The following TSPAN19 variants were observed in gnomAD, a reference collection of about 807,000 sequenced individuals.
TSPAN19 encodes tetraspanin-19.
A neutral mutation model predicts 35.1 loss-of-function variants in TSPAN19; 44 were observed. The ratio of observed to expected loss-of-function variants is 1.25; its 90% CI spans 0.98 to 1.61. TSPAN19 has a LOEUF of 1.61. Ranked by LOEUF, TSPAN19 falls within the 40% of genes most tolerant of loss-of-function variation. The pLI, the probability that TSPAN19 is intolerant of heterozygous loss-of-function variation, is 0.00. For synonymous variants in TSPAN19, 79 were observed against 92.0 expected (o/e 0.86, Z 0.81); for missense variants, 290 against 280.0 (o/e 1.04, Z -0.26).
rs746720409 is a variant in TSPAN19, at chr12:85,028,036, C to G, written c.140-13G>C. The G allele has an allele frequency of 6.6e-7, 1 of 1,511,676 alleles. No homozygotes were observed. Among genetic ancestry groups the G allele is most frequent in the South Asian group, 1.3e-5 (1 of 79,458 alleles). 93.6% of individuals were successfully genotyped at this position (1,511,676 alleles called of 1,614,324 possible). ...TGATTATTTTCATCTGTGAAAAGTA[C>G]AAATTTACTTATTATGAAGTGGTAT... On this transcript the variant is annotated splice_polypyrimidine_tract_variant and intron_variant, in intron 3 of 8. Coordinates refer to ENST00000532498, the MANE Select transcript of TSPAN19 (RefSeq NM_001100917.2).
rs1438929921 is a variant in TSPAN19 at position 85,029,716 on chromosome 12, T to C, written c.139+3A>G. The C allele has an allele frequency of 2.6e-6, 4 of 1,536,374 alleles. No individual in the cohort carries two copies. Among genetic ancestry groups the C allele is most frequent in the East Asian group, 2.5e-5 (1 of 40,602 alleles). ...TGAGAGAAAAACAAAAATAGATACATACCAAAAGCTGTTAAAAAATTATTT... is the reference window on the plus strand; with the variant it reads ...TGAGAGAAAAACAAAAATAGATACACACCAAAAGCTGTTAAAAAATTATTT... On this transcript the variant is annotated splice_donor_region_variant and intron_variant, in intron 3 of 8. Transcript: ENST00000532498.
rs1877219585 is a variant in TSPAN19, at chr12:85,023,321, C to T, written c.339+5G>A. 1.3e-6 allele frequency: 2 copies of T among 1,570,764 alleles called. No homozygotes were observed. The highest frequency in any genetic ancestry group is 2.3e-5 in the South Asian group (2 of 85,374). On this transcript the variant is annotated splice_donor_5th_base_variant and intron_variant, in intron 5 of 8. Coordinates refer to ENST00000532498, the MANE Select transcript of TSPAN19 (RefSeq NM_001100917.2). Reference sequence around the variant, plus strand: ...GATGTATTGAAAAGGATTTACTTTCCATACCTCCTCTTTCTTTGTGATGAT... The same window carrying T: ...GATGTATTGAAAAGGATTTACTTTCTATACCTCCTCTTTCTTTGTGATGAT...
intron 5 of TSPAN19, among the ~76,000 whole-genome samples, 174 bp downstream of exon 5, chr12:85,023,152 A>G (rs1262943305): frequency 2.0e-5 from 3 of 152,074 alleles, no homozygotes; most frequent in Non-Finnish European, 4.4e-5. Context: ...ACCCTTTTCA[A>G]TGTGACTCCT....
At chr12:85,023,480 C>G (rs983441470) in intron 4 of TSPAN19, 80 bp from the exon 5 acceptor site, 3 of 1,144,662 alleles carry the variant, frequency 2.6e-6, no homozygotes, top group South Asian at 1.4e-5. Flanking sequence ...AAAACACACA[C>G]CATTGGAAAT....
chr12:85,033,066 T>C (rs1278327983), intron 1 of TSPAN19, among the ~76,000 whole-genome samples: 1 of 152,056 alleles, frequency 6.6e-6, no homozygotes, highest in East Asian at 1.9e-4. Flanking sequence ...GAGTCAAATA[T>C]TAAAACCTGA....
Position 85,014,450 on chromosome 12 carries a change from T to C in TSPAN19, c.*37A>G. ...ATAATATAATGTGATTTTTTAAGAA[T>C]TAACTGGTTTCTTCTGAACAAATTG... On this transcript the variant is annotated 3_prime_UTR_variant, in exon 9 of 9. Transcript: ENST00000532498. 6.9e-7 allele frequency: 1 copy of C among 1,439,024 alleles called. No individual in the cohort carries two copies. Among genetic ancestry groups the C allele is most frequent in the Non-Finnish European group, 9.6e-7 (1 of 1,040,556 alleles). 89.1% of individuals were successfully genotyped at this position (1,439,024 alleles called of 1,614,324 possible).
chr12:85,016,537 G>T (rs923474857), intron 7 of TSPAN19: 1 of 151,926 alleles, frequency 6.6e-6, no homozygotes, highest in Admixed American at 6.6e-5. Flanking sequence ...TACCTCAACA[G>T]TCGATCTTAC....
intron 5 of TSPAN19, among the ~76,000 whole-genome samples, chr12:85,021,277 C>T (rs1427684412): frequency 1.3e-5 from 2 of 152,042 alleles, no homozygotes; most frequent in Admixed American, 6.6e-5. Flanking sequence ...CTGAATTATG[C>T]TGTCTTTGAC....
chr12:85,034,747 T>C (rs1352674821), intron 1 of TSPAN19, among the ~76,000 whole-genome samples: 2 of 152,198 alleles, frequency 1.3e-5, no homozygotes, highest in Non-Finnish European at 2.9e-5. Flanking sequence ...TTTTGATTAG[T>C]TATATTCTAG....
chr12:85,015,040 AATG>A (rs1421734552), intron 8 of TSPAN19: 4 of 152,208 alleles, frequency 2.6e-5, no homozygotes, highest in Non-Finnish European at 5.9e-5. Flanking sequence ...ATTTAAAAAC[AATG>A]ATATTAATGT....
At chr12:85,019,352 A>G (rs1876990486) in intron 6 of TSPAN19, among the ~76,000 whole-genome samples, 1 of 151,958 alleles carries the variant, frequency 6.6e-6, no homozygotes, top group Non-Finnish European at 1.5e-5. Flanking sequence ...GCAGCAGGAT[A>G]GACTATCCCA....
At chr12:85,025,687 G>A (rs139193983) in intron 4 of TSPAN19, among the ~76,000 whole-genome samples, 199 of 151,818 alleles carry the variant, frequency 1.3e-3, no homozygotes, top group South Asian at 3.3e-3. Flanking sequence ...CATCATGCCC[G>A]GCTAATTTTT....
Position 85,014,328 on chromosome 12 carries a change from A to G in TSPAN19, c.*159T>C, listed in dbSNP as rs1218203275. 8 of 502,810 alleles carry G rather than the reference A, an allele frequency of 1.6e-5. No homozygotes were observed. In the East Asian group the frequency reaches 2.6e-4, roughly 16 times the overall value. The allele number at this position is 502,810 out of a possible 1,614,324, so 31.1% of individuals were successfully genotyped here. ...AAACAAAATTAATATAATTTCATGA[A>G]TGTTTTATTATAGTATTCAGTAATT... On this transcript the variant is annotated 3_prime_UTR_variant, in exon 9 of 9. Transcript: ENST00000532498.
rs1371622202 is a variant in TSPAN19 at position 85,029,867 on chromosome 12, A to T, written c.66+14T>A. 1 of 1,502,572 alleles carries T rather than the reference A, an allele frequency of 6.7e-7. No individual in the cohort carries two copies. The highest frequency in any genetic ancestry group is 9.0e-7 in the Non-Finnish European group (1 of 1,111,272). The allele number at this position is 1,502,572 out of a possible 1,614,324, so 93.1% of individuals were successfully genotyped here. A position where few individuals can be genotyped will look rare whatever the true frequency, so the allele number is the denominator to read the frequency against. On this transcript the variant is annotated intron_variant, in intron 2 of 8. Coordinates refer to ENST00000532498, the MANE Select transcript of TSPAN19 (RefSeq NM_001100917.2). ...ATTACATTTTCTTTACTGTATAATT[A>T]TGAAGATTCTTACCAAGAAAGCTCC...
At chr12:85,034,262 A>G (rs1877812423) in intron 1 of TSPAN19, among the ~76,000 whole-genome samples, 1 of 152,178 alleles carries the variant, frequency 6.6e-6, no homozygotes, top group African/African-American at 2.4e-5. Context: ...GAACACAACA[A>G]TGATATTATG....
intron 5 of TSPAN19, among the ~76,000 whole-genome samples, chr12:85,022,575 G>T (rs1029900027): frequency 2.0e-5 from 3 of 152,008 alleles, no homozygotes; most frequent in African/African-American, 7.2e-5. Context: ...TTACAGATAA[G>T]GACATTATAT....
At chr12:85,019,496 T>A in intron 6 of TSPAN19, 130 bp downstream of exon 6, 1 of 577,250 alleles carries the variant, frequency 1.7e-6, no homozygotes. Flanking sequence ...ATGCCCTTTT[T>A]GCCCAGTTTG....
At chr12:85,031,004 A>G (rs1004878908) in intron 1 of TSPAN19, among the ~76,000 whole-genome samples, 12 of 152,132 alleles carry the variant, frequency 7.9e-5, no homozygotes, top group African/African-American at 1.2e-4. Flanking sequence ...TCTGTCCCTA[A>G]TTAGGCAGAA....
chr12:85,036,135 CT>C (rs1437146886), intron 1 of TSPAN19, 68 bp downstream of exon 1: 7 of 152,178 alleles, frequency 4.6e-5, no homozygotes, highest in African/African-American at 1.7e-4. Flanking sequence ...ATTACATCTA[CT>C]TGGGTAATTA....
Sources: allele counts gnomAD v4.1 joint callset (sites outside exome capture counted in the v4.1 genomes callset), GRCh38; gene constraint gnomAD v4.1.1; transcripts MANE v1.5; gene names NCBI Gene and HGNC (gene_info 2026-07-23, HGNC 2026-07-21).